BAIAP2: variants seen among roughly 807,000 people sequenced by gnomAD.
BAIAP2 encodes the protein BAR/IMD domain-containing adapter protein 2.
BAIAP2 carries 18 observed loss-of-function variants against 63.0 expected under a neutral mutation model. The observed-to-expected ratio is 0.29, with a 90% CI of 0.20 to 0.42. BAIAP2 has a LOEUF of 0.42. Ranked by LOEUF, BAIAP2 falls within the 10% of genes least tolerant of loss-of-function variation. The pLI, the probability that BAIAP2 is intolerant of heterozygous loss-of-function variation, is 1.00. For synonymous variants in BAIAP2, 386 were observed against 307.6 expected, an observed-to-expected ratio of 1.25 and a Z score of -2.67; for missense variants, 610 against 734.3, an observed-to-expected ratio of 0.83 and a Z score of 1.96.
At chr17:81,113,958 CTTTT>C (rs58758919) in intron 13 of BAIAP2, among the ~76,000 whole-genome samples, 9 of 83,168 alleles carry the variant, frequency 1.1e-4, no homozygotes, top group African/African-American at 3.3e-4. Flanking sequence ...TGGGAACCCA[CTTTT>C]TTTTTTTTTT....
At chr17:81,049,689 C>T (rs2048364011) in intron 1 of BAIAP2, among the ~76,000 whole-genome samples, 2 of 152,224 alleles carry the variant, frequency 1.3e-5, no homozygotes, top group Non-Finnish European at 2.9e-5. Context: ...CCACCTGGGG[C>T]CGCTGCTGTT....
At chr17:81,039,660 G>A (rs1326953079) in intron 1 of BAIAP2, among the ~76,000 whole-genome samples, 1 of 152,172 alleles carries the variant, frequency 6.6e-6, no homozygotes, top group Non-Finnish European at 1.5e-5. Context: ...AGGGGCCACC[G>A]TTAGATGGGA....
chr17:81,040,313 A>G (rs1343282499), intron 1 of BAIAP2, among the ~76,000 whole-genome samples: 3 of 152,328 alleles, frequency 2.0e-5, no homozygotes, highest in African/African-American at 4.8e-5. Context: ...CGGCGCCGTC[A>G]GCCGCCCCCC....
rs927967117 is a variant in BAIAP2 at position 81,116,387 on chromosome 17, G to A, written c.*548G>A. On this transcript the variant is annotated 3_prime_UTR_variant, in exon 14 of 14. Coordinates refer to ENST00000428708, the MANE Select transcript of BAIAP2 (RefSeq NM_001144888.2). ...GCCTGGTCCCTCCCCATGCCCCTCG[G>A]TGGGGCTCTCCTGGGCCCCTCACTC... The A allele has an allele frequency of 3.9e-6, 6 of 1,557,528 alleles. No individual in the cohort carries two copies. The highest frequency in any genetic ancestry group is 4.6e-5 in the East Asian group (2 of 43,120).
intron 1 of BAIAP2, among the ~76,000 whole-genome samples, chr17:81,052,190 C>G (rs750561212): frequency 6.6e-5 from 10 of 152,206 alleles, no homozygotes; most frequent in Non-Finnish European, 1.5e-4. Context: ...TTTGCCCTGC[C>G]CTGGTCTGCC....
intron 4 of BAIAP2, 23 bp from the exon 5 acceptor site, chr17:81,085,628 CTGA>C: frequency 6.2e-7 from 1 of 1,603,168 alleles, no homozygotes; most frequent in South Asian, 1.1e-5. Context: ...GAGCTGACGG[CTGA>C]TGTGTTTTCT....
chr17:81,091,562 G>A (rs1443762569), intron 6 of BAIAP2, among the ~76,000 whole-genome samples: 1 of 152,150 alleles, frequency 6.6e-6, no homozygotes, highest in African/African-American at 2.4e-5. Context: ...GGTCACTGGC[G>A]ACCATAGCAG....
intron 5 of BAIAP2, 52 bp from the exon 6 acceptor site, chr17:81,086,391 G>A (rs1568139849): frequency 7.5e-6 from 12 of 1,600,824 alleles, no homozygotes; most frequent in Admixed American, 1.7e-5. Context: ...AGTGGTCCGC[G>A]CTGCGTTGGG....
intron 3 of BAIAP2, among the ~76,000 whole-genome samples, chr17:81,079,341 G>A (rs2054216555): frequency 6.6e-6 from 1 of 152,338 alleles, no homozygotes; most frequent in East Asian, 1.9e-4. Context: ...CCCCGTCTGA[G>A]GTGGAGGTAG....
At position 81,116,900 on chromosome 17, in the gene BAIAP2, T is replaced by G. The variant is rs1176509690; in HGVS notation, c.*1061T>G. 1 of 155,142 alleles carries G rather than the reference T, an allele frequency of 6.4e-6. No individual in the cohort carries two copies. The highest frequency in any genetic ancestry group is 2.4e-5 in the African/African-American group (1 of 41,476). The allele number at this position is 155,142 out of a possible 1,614,324, so 9.6% of individuals were successfully genotyped here. A position where few individuals can be genotyped will look rare whatever the true frequency, so the allele number is the denominator to read the frequency against. The stretch of plus-strand genomic sequence containing the variant: ...AGAGTTGGCGGGCCAGGAGGGCAGT[T>G]GAGAGCTGGCCAGCGGAGGGTGCAG... On this transcript the variant is annotated 3_prime_UTR_variant, in exon 14 of 14. Coordinates refer to ENST00000428708, the MANE Select transcript of BAIAP2 (RefSeq NM_001144888.2).
In BAIAP2 at chr17:81,047,131, C is replaced by T. The variant is rs1457528745; in HGVS notation, c.55-6537C>T. Among the ~76,000 whole-genome samples, 5 of 152,286 alleles carry T rather than the reference C, an allele frequency of 3.3e-5. No individual in the cohort carries two copies. The South Asian group carries it at 1.0e-3, about 32-fold the overall frequency. ...CCCTCCTGGGAGAGGCCAGGTGGAT[C>T]GAGTCACCCTTTTTCCTGATATTAC... is the stretch of plus-strand genomic sequence containing the variant. On this transcript the variant is annotated intron_variant, in intron 1 of 13. Transcript: ENST00000428708.
intron 3 of BAIAP2, among the ~76,000 whole-genome samples, chr17:81,075,548 G>A (rs952114124): frequency 6.6e-6 from 1 of 152,202 alleles, no homozygotes; most frequent in Non-Finnish European, 1.5e-5. Flanking sequence ...CACTAGACGC[G>A]GCTGTGTCAG....
chr17:81,106,120 C>G lies in BAIAP2; in HGVS notation c.1311C>G (p.Ser437Arg). Reference sequence around the variant, plus strand: ...TCTCCTACACCCGGGTCTTGGACAGCGATGGCAGTGACAGGCTGCACATGA... The same window carrying G: ...TCTCCTACACCCGGGTCTTGGACAGGGATGGCAGTGACAGGCTGCACATGA... ...FPFSYTRVLD[S>R]DGSDRLHMSL... The change falls in exon 11 of 14, where the codon AGC becomes AGG. Residue 437 changes from serine to arginine, a missense_variant. Ser to Arg is a moderately radical substitution (Grantham distance 110). Transcript: ENST00000428708. The G allele has an allele frequency of 1.9e-6, 3 of 1,584,654 alleles. No individual in the cohort carries two copies. The highest frequency in any genetic ancestry group is 2.6e-6 in the Non-Finnish European group (3 of 1,165,086).
intron 3 of BAIAP2, among the ~76,000 whole-genome samples, chr17:81,074,752 G>T (rs1403783869): frequency 6.6e-6 from 1 of 152,168 alleles, no homozygotes; most frequent in Non-Finnish European, 1.5e-5. Context: ...GTGAGTGCCT[G>T]TGTGTGTGCA....
At chr17:81,095,978 C>G (rs1193150233) in intron 6 of BAIAP2, among the ~76,000 whole-genome samples, 1 of 152,170 alleles carries the variant, frequency 6.6e-6, no homozygotes, top group Non-Finnish European at 1.5e-5. Flanking sequence ...AACCCAGAAA[C>G]CGCCTGTAGG....
intron 3 of BAIAP2, among the ~76,000 whole-genome samples, chr17:81,067,985 A>G (rs1448354640): frequency 2.0e-5 from 3 of 152,194 alleles, no homozygotes; most frequent in Non-Finnish European, 4.4e-5. Flanking sequence ...GTGGCCCCAC[A>G]CAGTGTTGGC....
chr17:81,035,938 T>G (rs2046187644), intron 1 of BAIAP2: 4 of 152,214 alleles, frequency 2.6e-5, no homozygotes, highest in Non-Finnish European at 4.4e-5. Context: ...GGTGGACGGA[T>G]AATCTATCAT....
rs138656369 is a variant in BAIAP2, at chr17:81,055,569, G to GGTTTTTTT, written c.130+1826_130+1827insGTTTTTTT. Among the ~76,000 whole-genome samples the GGTTTTTTT allele has an allele frequency of 1.2e-4, 11 of 94,110 alleles. 1 individual carries two copies. The highest frequency in any genetic ancestry group is 1.6e-4 in the African/African-American group (4 of 24,684). 61.7% of individuals were successfully genotyped at this position (94,110 alleles called of 152,430 possible). On this transcript the variant is annotated intron_variant, in intron 2 of 13. Transcript: ENST00000428708. ...TTCCTCCAGCGAAAGTCTGCAGGGT[G>GGTTTTTTT]TTTTGTTTTTTTTTGAGACGGAGTC... is the stretch of plus-strand genomic sequence containing the variant.
chr17:81,045,438 C>G (rs1209729055), intron 1 of BAIAP2, among the ~76,000 whole-genome samples: 1 of 152,124 alleles, frequency 6.6e-6, no homozygotes, highest in African/African-American at 2.4e-5. Context: ...TTCATGGTCC[C>G]TGTCCTGGGA....
Sources: allele counts gnomAD v4.1 joint callset (sites outside exome capture counted in the v4.1 genomes callset), GRCh38; gene constraint gnomAD v4.1.1; transcripts MANE v1.5; gene names NCBI Gene and HGNC (gene_info 2026-07-23, HGNC 2026-07-21).